TMEM233: variants seen among roughly 807,000 people sequenced by gnomAD.
TMEM233 encodes transmembrane protein 233.
Under a neutral mutation model 11.2 loss-of-function variants are expected in TMEM233, and 6 were observed. The ratio of observed to expected loss-of-function variants is 0.54; its 90% CI spans 0.29 to 1.06. TMEM233 has a LOEUF of 1.06. Among genes scored for constraint, TMEM233 ranks in the 50% least tolerant of loss-of-function variants. TMEM233 has a pLI of 0.08. For missense variants in TMEM233, 127 were observed against 144.7 expected (o/e 0.88, Z 0.63); for synonymous variants, 59 against 55.8 (o/e 1.06, Z -0.26).
At chr12:119,645,354 G>A (rs991261620), downstream of TMEM233, among the ~76,000 whole-genome samples, 16 of 123,274 alleles carry the variant, frequency 1.3e-4, no homozygotes, top group African/African-American at 4.8e-4. Context: ...GTAAGATAAC[G>A]TTCATACTCA....
At chr12:119,616,611 G>C (rs1452407910) in intron 1 of TMEM233, among the ~76,000 whole-genome samples, 1 of 152,182 alleles carries the variant, frequency 6.6e-6, no homozygotes, top group Admixed American at 6.5e-5. Context: ...TCTCTGTGGT[G>C]ATGGAGCATT....
intron 1 of TMEM233, among the ~76,000 whole-genome samples, chr12:119,615,173 T>TCAAAAAA (rs1954496349): frequency 1.8e-5 from 1 of 56,184 alleles, no homozygotes; most frequent in African/African-American, 7.3e-5. Flanking sequence ...CGCTTTCTGC[T>TCAAAAAA]AAAAAAAAAA....
At position 119,595,157 on chromosome 12, in the gene TMEM233, C is replaced by G. The variant is rs1011100106; in HGVS notation, c.186+1123C>G. On this transcript the variant is annotated intron_variant, in intron 1 of 2. Coordinates refer to ENST00000426426, the MANE Select transcript of TMEM233 (RefSeq NM_001136534.3). This position sits in a 1 kb window ranked among gnomAD's most constrained non-coding sequence, Gnocchi z 4.3. ...AGGAGGGCGACGAGCGCCTGCTAGG[C>G]CCTCGCCTTATTGACTGCAGCAGCT... Among the ~76,000 whole-genome samples the G allele has an allele frequency of 6.6e-6, 1 of 152,230 alleles. No individual in the cohort carries two copies. Among genetic ancestry groups the G allele is most frequent in the Non-Finnish European group, 1.5e-5 (1 of 68,044 alleles).
downstream of TMEM233, among the ~76,000 whole-genome samples, chr12:119,646,182 C>A (rs1039795070): frequency 6.6e-6 from 1 of 152,020 alleles, no homozygotes; most frequent in Admixed American, 6.5e-5. Context: ...CTCAGCCTCC[C>A]GAGTAGCTGG....
chr12:119,611,022 A>G (rs1025417725), intron 1 of TMEM233, among the ~76,000 whole-genome samples: 1 of 152,128 alleles, frequency 6.6e-6, no homozygotes, highest in Admixed American at 6.5e-5. Flanking sequence ...CCTTCTTTTT[A>G]AGGCTGAATA....
At chr12:119,621,518 AC>A (rs1954644714) in intron 1 of TMEM233, among the ~76,000 whole-genome samples, 1 of 147,026 alleles carries the variant, frequency 6.8e-6, no homozygotes, top group South Asian at 2.2e-4. Flanking sequence ...GAAAAAAAAA[AC>A]ACAAACTTCT....
At chr12:119,646,509 A>AT (rs1955154979), downstream of TMEM233, among the ~76,000 whole-genome samples, 1 of 152,212 alleles carries the variant, frequency 6.6e-6, no homozygotes. Flanking sequence ...GCAGGGTTGG[A>AT]TTCCTTTCTG....
In TMEM233 at chr12:119,597,911, T is replaced by C. The variant is rs78022795; in HGVS notation, c.186+3877T>C. On this transcript the variant is annotated intron_variant, in intron 1 of 2. Transcript: ENST00000426426. ...AGCTCATATTGCATCGTTGTGTGAA[T>C]TTGAATATGGCACATTTTCTCCATG... is the stretch of plus-strand genomic sequence containing the variant. 6.5e-3 allele frequency among the ~76,000 whole-genome samples: 984 copies of C among 152,296 alleles called. 8 individuals carry two copies. Among genetic ancestry groups the C allele is most frequent in the African/African-American group, 0.023 (959 of 41,558 alleles).
intron 2 of TMEM233, among the ~76,000 whole-genome samples, chr12:119,639,600 C>T (rs1955041137): frequency 6.6e-6 from 1 of 151,152 alleles, no homozygotes; most frequent in African/African-American, 2.4e-5. Context: ...CCAGCCTGGG[C>T]AACAGAGCGA....
intron 1 of TMEM233, among the ~76,000 whole-genome samples, chr12:119,599,715 G>A (rs1954120164): frequency 1.3e-5 from 2 of 152,138 alleles, no homozygotes; most frequent in Admixed American, 1.3e-4. Flanking sequence ...AAAGGGTAGG[G>A]AAAATCTTTG....
At chr12:119,605,470 C>G (rs1272024112) in intron 1 of TMEM233, among the ~76,000 whole-genome samples, 2 of 124,956 alleles carry the variant, frequency 1.6e-5, no homozygotes, top group Admixed American at 1.1e-4. Context: ...CTCTGTTGCA[C>G]AGGCTGGAGT....
At chr12:119,651,097 T>C in the TMEM233 span, among the ~76,000 whole-genome samples, 8 of 152,208 alleles carry the variant, frequency 5.3e-5, no homozygotes, top group African/African-American at 1.9e-4. Context: ...TTAGGATGCT[T>C]TGGGTTGTAA....
intron 1 of TMEM233, among the ~76,000 whole-genome samples, chr12:119,617,987 GC>G (rs1954569308): frequency 6.6e-6 from 1 of 152,224 alleles, no homozygotes; most frequent in African/African-American, 2.4e-5. Flanking sequence ...AGGCCTGGAG[GC>G]CTAGGAGGGA....
the TMEM233 span, among the ~76,000 whole-genome samples, chr12:119,650,956 T>C: frequency 6.6e-6 from 1 of 152,228 alleles, no homozygotes; most frequent in African/African-American, 2.4e-5. Context: ...TTATTCGATA[T>C]TTAAGAAGCT....
In TMEM233 at chr12:119,594,739, C is replaced by T. The variant is rs1305916467; in HGVS notation, c.186+705C>T. 6.6e-6 allele frequency among the ~76,000 whole-genome samples: 1 copy of T among 152,172 alleles called. No homozygotes were observed. The highest frequency in any genetic ancestry group is 6.5e-5 in the Admixed American group (1 of 15,276). On this transcript the variant is annotated intron_variant, in intron 1 of 2. Transcript: ENST00000426426. This position sits in a 1 kb window ranked among gnomAD's most constrained non-coding sequence, Gnocchi z 5.6. ...CTCCGGCGCCCCCTTTTTAACGCGC[C>T]CGAGGCTGGCTCACACCCACTACCT...
the TMEM233 span, among the ~76,000 whole-genome samples, chr12:119,653,492 A>G: frequency 6.6e-6 from 1 of 152,036 alleles, no homozygotes; most frequent in Non-Finnish European, 1.5e-5. Flanking sequence ...ACCCAAAGAC[A>G]ATGCAGATGT....
intron 2 of TMEM233, among the ~76,000 whole-genome samples, chr12:119,637,911 A>C (rs1047498403): frequency 1.2e-4 from 18 of 152,250 alleles, no homozygotes; most frequent in African/African-American, 4.3e-4. Flanking sequence ...GGCAGATTGC[A>C]ACAATTAAAA....
chr12:119,594,067 G>A lies in TMEM233; in HGVS notation c.186+33G>A, dbSNP rs1205595560. On this transcript the variant is annotated intron_variant, in intron 1 of 2. Coordinates refer to ENST00000426426, the MANE Select transcript of TMEM233 (RefSeq NM_001136534.3). This position sits in a 1 kb window ranked among gnomAD's most constrained non-coding sequence, Gnocchi z 5.6. ...AATCACGGCCAGAGGCAGCCTGGGA[G>A]GAGAGACCCGGGCGGCTTTGAGCCC... The A allele has an allele frequency of 6.5e-7, 1 of 1,547,080 alleles. No homozygotes were observed. Among genetic ancestry groups the A allele is most frequent in the Non-Finnish European group, 8.7e-7 (1 of 1,144,274 alleles).
intron 1 of TMEM233, among the ~76,000 whole-genome samples, chr12:119,614,826 T>C (rs1954488226): frequency 6.6e-6 from 1 of 152,204 alleles, no homozygotes; most frequent in South Asian, 2.1e-4. Flanking sequence ...GATGTACATA[T>C]AGTGGTTAGT....
Sources: gnomAD v4.1 joint callset for allele counts (sites outside exome capture counted in the v4.1 genomes callset) on GRCh38, gnomAD v4.1.1 for gene constraint, Gnocchi (gnomAD v3.1) non-coding constraint, MANE v1.5 for transcripts, NCBI Gene and HGNC (gene_info 2026-07-23, HGNC 2026-07-21) for gene names.